CSMD3: variants seen among roughly 807,000 people sequenced by gnomAD.
CSMD3 encodes the protein CUB and Sushi multiple domains 3.
A neutral mutation model predicts 435.2 loss-of-function variants in CSMD3; 177 were observed. The observed-to-expected ratio is 0.41, with a 90% CI of 0.36 to 0.46. The LOEUF is 0.46. Among genes scored for constraint, CSMD3 ranks in the 20% least tolerant of loss-of-function variants. The pLI is 0.34. For missense variants in CSMD3, 4,265 were observed against 4,504.6 expected, an observed-to-expected ratio of 0.95 and a Z score of 1.52; for synonymous variants, 1,656 against 1,520.5, an observed-to-expected ratio of 1.09 and a Z score of -2.07.
intron 10 of CSMD3, among the ~76,000 whole-genome samples, chr8:112,868,926 A>AC (rs1289277479): frequency 6.6e-6 from 1 of 151,854 alleles, no homozygotes; most frequent in Non-Finnish European, 1.5e-5. Flanking sequence ...GAAAACAGGA[A>AC]AAAAATCTCC....
At chr8:112,650,014 AT>A (rs1325210145) in intron 19 of CSMD3, 146 bp downstream of exon 19, 1 of 646,786 alleles carries the variant, frequency 1.5e-6, no homozygotes, top group African/African-American at 1.8e-5. Context: ...TATTTCATGA[AT>A]GGTTTGATAA....
chr8:113,161,153 G>A (rs1331362153), intron 4 of CSMD3, among the ~76,000 whole-genome samples: 2 of 152,038 alleles, frequency 1.3e-5, no homozygotes, highest in Admixed American at 6.6e-5. Context: ...AGATGAATCC[G>A]GATTTATCTA....
At chr8:113,092,905 C>G (rs908661259) in intron 5 of CSMD3, among the ~76,000 whole-genome samples, 1 of 152,008 alleles carries the variant, frequency 6.6e-6, no homozygotes, top group Non-Finnish European at 1.5e-5. Context: ...TTGCATTTTG[C>G]TTATATTTTC....
At chr8:112,910,236 G>T (rs146577376) in intron 10 of CSMD3, among the ~76,000 whole-genome samples, 1 of 151,576 alleles carries the variant, frequency 6.6e-6, no homozygotes, top group Admixed American at 6.6e-5. Context: ...GCCAGGGATG[G>T]GGATCACTGA....
At chr8:113,332,132 C>T (rs1225525976) in intron 1 of CSMD3, among the ~76,000 whole-genome samples, 1 of 151,328 alleles carries the variant, frequency 6.6e-6, no homozygotes, top group African/African-American at 2.4e-5. Flanking sequence ...GTTAAATTTA[C>T]ACTATACTAT....
chr8:112,533,549 AT>A (rs1414970711), intron 27 of CSMD3, among the ~76,000 whole-genome samples: 1 of 152,086 alleles, frequency 6.6e-6, no homozygotes, highest in Non-Finnish European at 1.5e-5. Context: ...GAAGGGGTCC[AT>A]TTATCAAGAG....
intron 27 of CSMD3, among the ~76,000 whole-genome samples, chr8:112,539,844 A>C (rs974104071): frequency 5.9e-5 from 9 of 152,096 alleles, no homozygotes; most frequent in African/African-American, 2.2e-4. Context: ...GTTCTGGCAA[A>C]TATTTTTTGC....
At position 112,962,328 on chromosome 8, in the gene CSMD3, A is replaced by G. The variant is rs138733782; in HGVS notation, c.1343-7567T>C. On this transcript the variant is annotated intron_variant, in intron 7 of 70. Transcript: ENST00000297405. ...AATATTTTCTTACTCATGATAAAAT[A>G]TTATTACATTAAATATTTGTTTCGC... is the stretch of plus-strand genomic sequence containing the variant. Among the ~76,000 whole-genome samples the G allele has an allele frequency of 3.9e-3, 600 of 151,994 alleles. 2 individuals carry two copies. Among genetic ancestry groups the G allele is most frequent in the Middle Eastern group, 0.014 (4 of 294 alleles).
At position 112,309,054 on chromosome 8, in the gene CSMD3, A is replaced by G. The variant is rs1278024270; in HGVS notation, c.7885+1924T>C. 2.6e-5 allele frequency among the ~76,000 whole-genome samples: 4 copies of G among 152,042 alleles called. No homozygotes were observed. In the East Asian group the frequency reaches 5.8e-4, roughly 22 times the overall value. ...ATTTTTGGAAATGGCTACATGATTTACATATATTTTATCATTTTACTTCAC... is the reference window on the plus strand; with the variant it reads ...ATTTTTGGAAATGGCTACATGATTTGCATATATTTTATCATTTTACTTCAC... On this transcript the variant is annotated intron_variant, in intron 50 of 70. Coordinates refer to ENST00000297405, the MANE Select transcript of CSMD3 (RefSeq NM_198123.2).
intron 3 of CSMD3, among the ~76,000 whole-genome samples, chr8:113,261,771 T>C (rs1226923178): frequency 6.6e-6 from 1 of 152,070 alleles, no homozygotes; most frequent in African/African-American, 2.4e-5. Flanking sequence ...CAAATGGAGA[T>C]TGAAAGACAC....
At chr8:113,008,018 C>T (rs924066610) in intron 6 of CSMD3, among the ~76,000 whole-genome samples, 9 of 151,518 alleles carry the variant, frequency 5.9e-5, no homozygotes, top group Non-Finnish European at 8.8e-5. Flanking sequence ...TTCTCAGAAC[C>T]TTTTTGGCGG....
At chr8:112,665,995 A>G (rs1322352612) in intron 17 of CSMD3, among the ~76,000 whole-genome samples, 1 of 152,110 alleles carries the variant, frequency 6.6e-6, no homozygotes, top group East Asian at 1.9e-4. Context: ...AGAACAACTA[A>G]ACTCATTAAG....
intron 3 of CSMD3, among the ~76,000 whole-genome samples, chr8:113,201,213 G>A (rs756891555): frequency 3.3e-4 from 50 of 152,038 alleles, no homozygotes; most frequent in Non-Finnish European, 5.9e-4. Context: ...GCTGGGTTTT[G>A]CAGATATTTA....
Position 112,306,001 on chromosome 8 carries a change from A to ACATAC in CSMD3, c.8071+1_8071+5dup, listed in dbSNP as rs1563765992. 1 of 1,610,744 alleles carries ACATAC rather than the reference A, an allele frequency of 6.2e-7. No individual in the cohort carries two copies. The highest frequency in any genetic ancestry group is 8.5e-7 in the Non-Finnish European group (1 of 1,177,014). ...ACAAGTGATGAAATTCCCTTGACAC[A>ACATAC]CATACCAACACAGCGAGGGGTCTTG... On this transcript the variant is annotated splice_donor_region_variant and intron_variant, in intron 51 of 70. Transcript: ENST00000297405.
At chr8:112,427,769 T>C (rs1813230073) in intron 32 of CSMD3, among the ~76,000 whole-genome samples, 1 of 152,160 alleles carries the variant, frequency 6.6e-6, no homozygotes, top group Non-Finnish European at 1.5e-5. Context: ...AGCATTCAGG[T>C]CATTACTTTG....
intron 4 of CSMD3, among the ~76,000 whole-genome samples, chr8:113,164,156 T>C (rs935210969): frequency 3.3e-5 from 5 of 152,054 alleles, no homozygotes; most frequent in African/African-American, 1.2e-4. Flanking sequence ...AGAACTTGAC[T>C]TTTGTAAATT....
intron 1 of CSMD3, among the ~76,000 whole-genome samples, chr8:113,431,413 A>T (rs2094672241): frequency 6.6e-6 from 1 of 152,196 alleles, no homozygotes; most frequent in Admixed American, 6.5e-5. Context: ...GTCATTTACA[A>T]CCATTTTATT....
intron 2 of CSMD3, among the ~76,000 whole-genome samples, chr8:113,305,773 A>G (rs1311561271): frequency 2.0e-5 from 3 of 152,238 alleles, no homozygotes; most frequent in African/African-American, 7.2e-5. Context: ...TGAATGCTCC[A>G]AAGTAAGTAA....
chr8:113,086,592 C>A (rs1209527927), intron 5 of CSMD3, among the ~76,000 whole-genome samples: 1 of 152,014 alleles, frequency 6.6e-6, no homozygotes, highest in East Asian at 1.9e-4. Flanking sequence ...GAAAATATAT[C>A]ATAAATATTT....
Sources: allele counts gnomAD v4.1 joint callset (sites outside exome capture counted in the v4.1 genomes callset), GRCh38; gene constraint gnomAD v4.1.1; transcripts MANE v1.5; gene names NCBI Gene and HGNC (gene_info 2026-07-23, HGNC 2026-07-21).